Variants in PEAK1 observed in about 807,000 individuals in gnomAD.
The protein encoded by PEAK1 is pseudopodium enriched atypical kinase 1.
Under a neutral mutation model 124.7 loss-of-function variants are expected in PEAK1, and 54 were observed. The observed-to-expected ratio is 0.43, with a 90% confidence interval of 0.35 to 0.54. The LOEUF is 0.54. Ranked by LOEUF, PEAK1 falls within the 20% of genes least tolerant of loss-of-function variation. The probability of loss-of-function intolerance (pLI) is 0.01; values close to 1 mark genes in which losing one functional copy is unlikely to be tolerated. For synonymous variants in PEAK1, 719 were observed against 760.0 expected, an observed-to-expected ratio of 0.95 and a Z score of 0.89; for missense variants, 2,046 against 2,134.5, an observed-to-expected ratio of 0.96 and a Z score of 0.82.
intron 1 of PEAK1, among the ~76,000 whole-genome samples, chr15:77,382,677 A>G (rs551403597): frequency 6.6e-6 from 1 of 152,282 alleles, no homozygotes; most frequent in Admixed American, 6.5e-5. Flanking sequence ...TGTTCCTCCT[A>G]GAGCAGAGTC....
chr15:77,150,363 A>C lies in PEAK1; in HGVS notation c.3331+8140T>G, dbSNP rs555767919. Among the ~76,000 whole-genome samples, 50 of 152,288 alleles carry C rather than the reference A, an allele frequency of 3.3e-4. 1 individual carries two copies. In the South Asian group the frequency reaches 0.01, roughly 31 times the overall value. ...ACTCTGCCTCGCTTTCTTTATCTGA[A>C]AAATGGGGATAATAACTCTTAGGAT... On this transcript the variant is annotated intron_variant, in intron 8 of 9. Transcript: ENST00000682557.
At chr15:77,274,534 G>A (rs2062207941) in intron 5 of PEAK1, among the ~76,000 whole-genome samples, 3 of 151,784 alleles carry the variant, frequency 2.0e-5, no homozygotes, top group South Asian at 4.2e-4. Flanking sequence ...AATGATCAGG[G>A]AAATGCAAAT....
chr15:77,389,963 A>C (rs2070311353), intron 1 of PEAK1, among the ~76,000 whole-genome samples: 1 of 152,252 alleles, frequency 6.6e-6, no homozygotes, highest in Non-Finnish European at 1.5e-5. Flanking sequence ...TAATGAATAC[A>C]TTAACTTTAC....
At chr15:77,357,068 A>G (rs898285518) in intron 2 of PEAK1, among the ~76,000 whole-genome samples, 2 of 152,186 alleles carry the variant, frequency 1.3e-5, no homozygotes, top group African/African-American at 2.4e-5. Flanking sequence ...GGAGTTCAAG[A>G]TCAGCCTTGA....
intron 8 of PEAK1, among the ~76,000 whole-genome samples, chr15:77,152,271 A>G (rs2054708038): frequency 6.6e-6 from 1 of 152,126 alleles, no homozygotes; most frequent in Non-Finnish European, 1.5e-5. Context: ...GAGTTCACGC[A>G]TGATTTGGCT....
chr15:77,335,985 G>C, intron 2 of PEAK1: 6 of 985,320 alleles, frequency 6.1e-6, no homozygotes, highest in Non-Finnish European at 7.2e-6. Context: ...TGGACTAGTA[G>C]GACTCCAAAT....
At chr15:77,305,201 A>AGGAG (rs1323333241) in intron 2 of PEAK1, among the ~76,000 whole-genome samples, 6,888 of 59,430 alleles carry the variant, frequency 0.12, 328 homozygotes, top group Admixed American at 0.18. Flanking sequence ...GAGGGACGGA[A>AGGAG]GGAGGGAGGG....
chr15:77,222,984 G>C (rs931813077), intron 6 of PEAK1, among the ~76,000 whole-genome samples: 11 of 151,978 alleles, frequency 7.2e-5, no homozygotes, highest in African/African-American at 2.4e-4. Context: ...CTGCGAGCTT[G>C]TTAGAAATGC....
Position 77,109,406 on chromosome 15 carries a change from T to A in PEAK1, c.*4750A>T, listed in dbSNP as rs1337690061. 6.6e-6 allele frequency: 1 copy of A among 152,220 alleles called. No individual in the cohort carries two copies. Among genetic ancestry groups the A allele is most frequent in the Non-Finnish European group, 1.5e-5 (1 of 68,026 alleles). 9.4% of individuals were successfully genotyped at this position (152,220 alleles called of 1,614,324 possible). A position where few individuals can be genotyped will look rare whatever the true frequency, so the allele number is the denominator to read the frequency against. On this transcript the variant is annotated 3_prime_UTR_variant, in exon 10 of 10. Transcript: ENST00000682557. ...AGGATGGATTTATCAGCTAAATGCC[T>A]TGACATGGAATGTATGTGAACTCCC...
chr15:77,123,651 G>C (rs1410616002), intron 9 of PEAK1, among the ~76,000 whole-genome samples: 1 of 152,094 alleles, frequency 6.6e-6, no homozygotes, highest in Non-Finnish European at 1.5e-5. Context: ...TTAGATATGA[G>C]GATTTAGTCT....
At chr15:77,217,222 C>CA (rs34034344) in intron 6 of PEAK1, among the ~76,000 whole-genome samples, 1,433 of 67,688 alleles carry the variant, frequency 0.021, 17 homozygotes, top group African/African-American at 0.04. Context: ...GACTCTGTCT[C>CA]AAAAAAAAAA....
rs993075923 is a variant in PEAK1, at chr15:77,301,362, T to C, written c.-602-14858A>G. 5.9e-5 allele frequency among the ~76,000 whole-genome samples: 9 copies of C among 152,130 alleles called. No individual in the cohort carries two copies. In the South Asian group the frequency reaches 1.0e-3, roughly 18 times the overall value. On this transcript the variant is annotated intron_variant, in intron 2 of 9. Coordinates refer to ENST00000682557, the MANE Select transcript of PEAK1 (RefSeq NM_001385026.1). ...GAGCCCAATAGATAATCCAGGATGATCATCATATCAAAATCCTTAATGTAA... is the reference window on the plus strand; with the variant it reads ...GAGCCCAATAGATAATCCAGGATGACCATCATATCAAAATCCTTAATGTAA...
At chr15:77,336,268 A>C (rs923283424) in intron 2 of PEAK1, 15 of 985,296 alleles carry the variant, frequency 1.5e-5, no homozygotes, top group Non-Finnish European at 4.8e-6. Flanking sequence ...AATCATTTAC[A>C]TCTTGCAGAA....
chr15:77,390,181 G>C (rs1226152445), intron 1 of PEAK1, among the ~76,000 whole-genome samples: 4 of 152,208 alleles, frequency 2.6e-5, no homozygotes, highest in African/African-American at 9.7e-5. Context: ...TGTGCTGACA[G>C]TAAGATACCA....
intron 1 of PEAK1, chr15:77,381,235 A>T (rs928394987): frequency 1.0e-6 from 1 of 982,830 alleles, no homozygotes; most frequent in African/African-American, 1.7e-5. Context: ...CCAACTCAAC[A>T]TGACATAATT....
intron 6 of PEAK1, among the ~76,000 whole-genome samples, chr15:77,194,738 C>T (rs1442843609): frequency 1.3e-5 from 2 of 152,044 alleles, no homozygotes; most frequent in Non-Finnish European, 2.9e-5. Context: ...GTTTCATAGA[C>T]CAAAATAACT....
chr15:77,312,584 G>C (rs1850603967), intron 2 of PEAK1, among the ~76,000 whole-genome samples: 1 of 152,208 alleles, frequency 6.6e-6, no homozygotes, highest in South Asian at 2.1e-4. Flanking sequence ...CAGCAGTCTG[G>C]GGCTGGGCAG....
At chr15:77,270,182 G>A (rs1263324537) in intron 5 of PEAK1, among the ~76,000 whole-genome samples, 6 of 152,088 alleles carry the variant, frequency 3.9e-5, no homozygotes, top group Non-Finnish European at 8.8e-5. Context: ...ATACTGAATG[G>A]GCACAAACTG....
chr15:77,313,644 A>ATGTGTGTGTGTGTGTGTG (rs1166778709), intron 2 of PEAK1, among the ~76,000 whole-genome samples: 4 of 75,416 alleles, frequency 5.3e-5, no homozygotes, highest in Admixed American at 1.3e-4. Context: ...GTATGTATGT[A>ATGTGTGTGTGTGTGTGTG]TGTATGTATG....
Sources: allele counts gnomAD v4.1 joint callset (sites outside exome capture counted in the v4.1 genomes callset), GRCh38; gene constraint gnomAD v4.1.1; transcripts MANE v1.5; gene names NCBI Gene and HGNC (gene_info 2026-07-23, HGNC 2026-07-21).